The following RUNDC1 variants were observed in gnomAD, a reference collection of about 807,000 sequenced individuals.
RUNDC1 encodes RUN domain containing 1.
A neutral mutation model predicts 49.3 loss-of-function variants in RUNDC1; 31 were observed. The ratio of observed to expected loss-of-function variants is 0.63; its 90% CI spans 0.47 to 0.85. The LOEUF (loss-of-function observed/expected upper bound fraction) is 0.85. RUNDC1 is among the 40% of genes least tolerant of loss of function. RUNDC1 has a pLI of 0.00. For synonymous variants in RUNDC1, 347 were observed against 348.6 expected, an observed-to-expected ratio of 1.00 and a Z score of 0.05; for missense variants, 715 against 806.7, an observed-to-expected ratio of 0.89 and a Z score of 1.38.
chr17:42,983,693 A>T (rs1205135650), intron 1 of RUNDC1, among the ~76,000 whole-genome samples: 1 of 149,308 alleles, frequency 6.7e-6, no homozygotes, highest in Non-Finnish European at 1.5e-5. Context: ...TTTTCTTGAG[A>T]CAGAGTCTCA....
chr17:42,980,936 G>C lies in RUNDC1; in HGVS notation c.360G>C (p.Gln120His), dbSNP rs760501540. Reference sequence around the variant, plus strand: ...TGCGCGGGGCGCCGGCGGAGCAGCAGCGCCTTCTGCGGGAGCTCGAAGACT... The same window carrying C: ...TGCGCGGGGCGCCGGCGGAGCAGCACCGCCTTCTGCGGGAGCTCGAAGACT... ...QVVRGAPAEQQRLLRELEDFA... is the reference protein window; with the variant it reads ...QVVRGAPAEQHRLLRELEDFA... Residue 120 changes from glutamine to histidine, a missense_variant, in exon 1 of 5, where the codon CAG (glutamine) becomes CAC (histidine). This residue lies in a region of RUNDC1 where 113 missense variants were observed against 93.4 expected (regional missense o/e 1.21). Transcript: ENST00000361677. 1.3e-6 allele frequency: 2 copies of C among 1,538,100 alleles called. No homozygotes were observed. The highest frequency in any genetic ancestry group is 4.9e-5 in the East Asian group (2 of 40,846).
chr17:42,991,552 A>G lies in RUNDC1; in HGVS notation c.1678A>G (p.Lys560Glu). ...GGTGTCCTGGGTGAACCTCATCTGC[A>G]AGTCCGGGTCACTCATCGAGCCTCA... The part of the protein sequence containing the change: ...RLVSWVNLIC[K>E]SGSLIEPHYQ... The change falls in exon 5 of 5, where the codon AAG becomes GAG. Residue 560 changes from lysine to glutamate, a missense_variant. By Grantham distance (56) the Lys-to-Glu change is moderately conservative. Around this residue, in one of 5 missense-constraint regions of RUNDC1, gnomAD observed 425 missense variants for 499.7 expected, o/e 0.85. Coordinates refer to ENST00000361677, the MANE Select transcript of RUNDC1 (RefSeq NM_173079.5). 6.2e-6 allele frequency: 10 copies of G among 1,614,168 alleles called. No homozygotes were observed. The highest frequency in any genetic ancestry group is 8.5e-6 in the Non-Finnish European group (10 of 1,180,018).
Position 42,990,410 on chromosome 17 carries a change from G to A in RUNDC1, c.950G>A (p.Ser317Asn), listed in dbSNP as rs763974387. 9 of 1,613,874 alleles carry A rather than the reference G, an allele frequency of 5.6e-6. No individual in the cohort carries two copies. The highest frequency in any genetic ancestry group is 1.7e-5 in the Admixed American group (1 of 60,008). The change falls in exon 4 of 5, where the codon AGC becomes AAC. Residue 317 changes from serine to asparagine, a missense_variant. Transcript: ENST00000361677. ...TGNGCSRTGS[S>N]RTPPGNSKTK... ...AATGGCTGCAGCAGAACAGGCAGCA[G>A]CAGAACGCCTCCAGGAAACAGCAAA...
rs1227344186 is a variant in RUNDC1 at position 42,984,280 on chromosome 17, G to GT, written c.499-2958dup. 8.8e-3 allele frequency among the ~76,000 whole-genome samples: 1,178 copies of GT among 134,592 alleles called. 11 individuals are homozygous for GT. The highest frequency in any genetic ancestry group is 0.04 in the Middle Eastern group (10 of 250). The allele number at this position is 134,592 out of a possible 152,430, so 88.3% of individuals were successfully genotyped here. A position where few individuals can be genotyped will look rare whatever the true frequency, so the allele number is the denominator to read the frequency against. On this transcript the variant is annotated intron_variant, in intron 1 of 4. Coordinates refer to ENST00000361677, the MANE Select transcript of RUNDC1 (RefSeq NM_173079.5). ...CATGAGCCACTGCACCTGGCCCCCAGTTTTTTTTTTTTTTTTTTGAGACAG... is the reference window on the plus strand; with the variant it reads ...CATGAGCCACTGCACCTGGCCCCCAGTTTTTTTTTTTTTTTTTTTGAGACAG...
intron 1 of RUNDC1, chr17:42,985,631 C>G (rs1415704994): frequency 1.2e-5 from 4 of 320,100 alleles, no homozygotes; most frequent in Non-Finnish European, 1.5e-5. Flanking sequence ...TTTCTTCTCT[C>G]TCATTACTTA....
intron 1 of RUNDC1, chr17:42,981,350 G>A: frequency 2.1e-6 from 1 of 478,878 alleles, no homozygotes; most frequent in Middle Eastern, 5.4e-4. Flanking sequence ...GAAGTGAGTC[G>A]TTGAGAGGGC....
intron 1 of RUNDC1, among the ~76,000 whole-genome samples, chr17:42,982,962 G>C (rs2050122712): frequency 6.6e-6 from 1 of 151,524 alleles, no homozygotes; most frequent in Non-Finnish European, 1.5e-5. Flanking sequence ...ACCCCAGCCT[G>C]GGGCAACAAG....
intron 1 of RUNDC1, 74 bp from the exon 2 acceptor site, chr17:42,987,182 G>A (rs2050182264): frequency 4.5e-6 from 5 of 1,113,098 alleles, no homozygotes; most frequent in South Asian, 1.3e-5. Flanking sequence ...GTCATTACTG[G>A]CTCGAGCAGA....
At chr17:42,990,061 T>C (rs1302707496) in intron 3 of RUNDC1, among the ~76,000 whole-genome samples, 2 of 152,322 alleles carry the variant, frequency 1.3e-5, no homozygotes, top group Non-Finnish European at 2.9e-5. Flanking sequence ...CTCATACTCA[T>C]TGGTTTTATG....
rs146681986 is a variant in RUNDC1, at chr17:42,985,710, C to T, written c.499-1546C>T. Reference sequence around the variant, plus strand: ...TACGCTGTAGACTTCTAGTTTAAGACGCAGCCTTGCCCCTACAAATGATTT... The same window carrying T: ...TACGCTGTAGACTTCTAGTTTAAGATGCAGCCTTGCCCCTACAAATGATTT... On this transcript the variant is annotated intron_variant, in intron 1 of 4. Transcript: ENST00000361677. 1.1e-3 allele frequency: 1,093 copies of T among 980,032 alleles called. 23 individuals carry two copies. In the East Asian group the frequency reaches 0.066, roughly 60 times the overall value. 60.7% of individuals were successfully genotyped at this position (980,032 alleles called of 1,614,324 possible).
rs2050206729 is a variant in RUNDC1 at position 42,989,243 on chromosome 17, T to A, written c.658-98T>A. On this transcript the variant is annotated intron_variant, in intron 2 of 4. Transcript: ENST00000361677. ...TTCACAAATTTAGAGGTCTGTTTTT[T>A]ATTTCCATTTAAGGACAGAAGACAT... 3 of 870,450 alleles carry A rather than the reference T, an allele frequency of 3.4e-6. No individual in the cohort carries two copies. In the East Asian group the frequency reaches 7.8e-5, roughly 23 times the overall value. 53.9% of individuals were successfully genotyped at this position (870,450 alleles called of 1,614,324 possible).
In RUNDC1 at chr17:42,989,370, G is replaced by A; in HGVS notation, c.687G>A (p.Leu229=). 6.2e-7 allele frequency: 1 copy of A among 1,614,012 alleles called. No homozygotes were observed. Among genetic ancestry groups the A allele is most frequent in the East Asian group, 2.2e-5 (1 of 44,874 alleles). ...RVIIDELIKK[L]DMNLNEDISS... Reference sequence around the variant, plus strand: ...TCATAGATGAGTTAATAAAGAAACTGGACATGAATCTGAATGAGGACATCA... The same window carrying A: ...TCATAGATGAGTTAATAAAGAAACTAGACATGAATCTGAATGAGGACATCA... The change falls in exon 3 of 5, where the codon CTG becomes CTA. Residue 229 remains leucine (L), a synonymous_variant. Coordinates refer to ENST00000361677, the MANE Select transcript of RUNDC1 (RefSeq NM_173079.5).
At position 42,995,054 on chromosome 17, in the gene RUNDC1, G is replaced by A. The variant is rs1016168990; in HGVS notation, c.*3338G>A. Among the ~76,000 whole-genome samples, 2 of 152,104 alleles carry A rather than the reference G, an allele frequency of 1.3e-5. No homozygotes were observed. Among genetic ancestry groups the A allele is most frequent in the Non-Finnish European group, 2.9e-5 (2 of 68,016 alleles). ...AGAAAGAGAAAAGTAAACCTACCCCGTGCCCTCAACAAACACAGTCTAGCA... is the reference window on the plus strand; with the variant it reads ...AGAAAGAGAAAAGTAAACCTACCCCATGCCCTCAACAAACACAGTCTAGCA... On this transcript the variant is annotated 3_prime_UTR_variant, in exon 5 of 5. Transcript: ENST00000361677.
At chr17:42,990,235 G>A in intron 3 of RUNDC1, 82 bp from the exon 4 acceptor site, 2 of 1,536,994 alleles carry the variant, frequency 1.3e-6, no homozygotes, top group African/African-American at 1.4e-5. Flanking sequence ...GTTTCTAATA[G>A]GCACCATTAA....
At chr17:42,982,409 T>C (rs1043171856) in intron 1 of RUNDC1, among the ~76,000 whole-genome samples, 1 of 152,158 alleles carries the variant, frequency 6.6e-6, no homozygotes, top group African/African-American at 2.4e-5. Flanking sequence ...CTGAACTGTT[T>C]CCAGTGCAAT....
intron 1 of RUNDC1, 113 bp from the exon 2 acceptor site, chr17:42,987,143 G>A: frequency 1.5e-6 from 1 of 689,426 alleles, no homozygotes; most frequent in Non-Finnish European, 2.5e-6. Context: ...ATTTCATTTG[G>A]ATTATTGGAA....
chr17:42,990,934 G>C lies in RUNDC1; in HGVS notation c.1060G>C (p.Val354Leu). 6.2e-7 allele frequency: 1 copy of C among 1,613,610 alleles called. No individual in the cohort carries two copies. The highest frequency in any genetic ancestry group is 1.1e-5 in the South Asian group (1 of 91,084). ...RALAVLQIFA[V>L]SQFGCATGQI... ...GCTGGCCGTGCTCCAGATCTTTGCT[G>C]TTAGCCAGTTTGGTTGTGCCACAGG... The change falls in exon 5 of 5, where the codon GTT (valine) becomes CTT (leucine). Residue 354 changes from valine to leucine, a missense_variant. Physicochemically the swap from Val to Leu is conservative, Grantham distance 32. Transcript: ENST00000361677.
intron 3 of RUNDC1, among the ~76,000 whole-genome samples, chr17:42,990,012 G>A (rs2050217643): frequency 6.6e-6 from 1 of 152,176 alleles, no homozygotes; most frequent in African/African-American, 2.4e-5. Context: ...AGAGTAGAAA[G>A]TGCATGGGTT....
chr17:42,988,196 T>C (rs1451373139), intron 2 of RUNDC1, among the ~76,000 whole-genome samples: 2 of 152,116 alleles, frequency 1.3e-5, no homozygotes, highest in Non-Finnish European at 1.5e-5. Flanking sequence ...CTCCCCTGCA[T>C]GTTTCTCTAC....
Sources: gnomAD v4.1 joint callset for allele counts (sites outside exome capture counted in the v4.1 genomes callset) on GRCh38, gnomAD v4.1.1 for gene constraint, gnomAD v4.1.1 regional missense constraint, MANE v1.5 for transcripts, NCBI Gene and HGNC (gene_info 2026-07-23, HGNC 2026-07-21) for gene names.